STXBP4: variants seen among roughly 807,000 people sequenced by gnomAD.
The protein encoded by STXBP4 is syntaxin binding protein 4, also known as syntaxin-binding protein 4.
In STXBP4, 55 loss-of-function variants were observed where a neutral mutation model predicts 76.1. That is an observed-to-expected ratio of 0.72 (90% CI 0.58 to 0.91). STXBP4 has a LOEUF of 0.91. Ranked by LOEUF, STXBP4 falls within the 40% of genes least tolerant of loss-of-function variation. The pLI, the probability that STXBP4 is intolerant of heterozygous loss-of-function variation, is 0.00. For missense variants in STXBP4, 618 were observed against 636.9 expected (o/e 0.97, Z 0.32); for synonymous variants, 201 against 220.2 (o/e 0.91, Z 0.77).
downstream of STXBP4, among the ~76,000 whole-genome samples, chr17:55,176,590 C>A (rs1263217574): frequency 2.0e-5 from 3 of 152,118 alleles, no homozygotes; most frequent in Non-Finnish European, 4.4e-5. Context: ...GGGTGAGGCA[C>A]AAAAGATCTT....
chr17:55,022,834 C>G (rs925959579), intron 8 of STXBP4, among the ~76,000 whole-genome samples: 1 of 152,100 alleles, frequency 6.6e-6, no homozygotes, highest in South Asian at 2.1e-4. Flanking sequence ...GTGGTACTAA[C>G]GACGTAAGTC....
intron 3 of STXBP4, among the ~76,000 whole-genome samples, chr17:54,989,297 C>T (rs992088543): frequency 4.6e-5 from 7 of 152,126 alleles, no homozygotes; most frequent in African/African-American, 1.4e-4. Context: ...TTAGTATAGA[C>T]GGGGTTTCAC....
chr17:55,147,105 TATATA>T (rs2080165582), intron 17 of STXBP4, among the ~76,000 whole-genome samples: 1 of 152,322 alleles, frequency 6.6e-6, no homozygotes, highest in African/African-American at 2.4e-5. Flanking sequence ...TCATATGACT[TATATA>T]AATAATACAA....
chr17:55,015,918 G>A lies in STXBP4; in HGVS notation c.666+8321G>A, dbSNP rs1380519815. On this transcript the variant is annotated intron_variant, in intron 8 of 17. Transcript: ENST00000376352. ...TACAAAAGAGATCTAGCTGTAAGAT[G>A]GTGTTATAATTTATACTTCCCTCAG... Among the ~76,000 whole-genome samples, 3 of 152,174 alleles carry A rather than the reference G, an allele frequency of 2.0e-5. No homozygotes were observed. The East Asian group carries it at 5.8e-4, about 29-fold the overall frequency.
At chr17:54,993,915 C>T (rs537488567) in intron 4 of STXBP4, among the ~76,000 whole-genome samples, 28 of 152,216 alleles carry the variant, frequency 1.8e-4, no homozygotes, top group African/African-American at 4.8e-4. Context: ...GTTATTGGAA[C>T]GCAGAAGAAA....
chr17:55,075,335 T>C (rs2079168510), intron 13 of STXBP4, among the ~76,000 whole-genome samples: 1 of 152,182 alleles, frequency 6.6e-6, no homozygotes, highest in Non-Finnish European at 1.5e-5. Context: ...ATTTTGTTTT[T>C]GCATTTCATC....
At chr17:55,019,092 A>G (rs2078259136) in intron 8 of STXBP4, among the ~76,000 whole-genome samples, 1 of 152,222 alleles carries the variant, frequency 6.6e-6, no homozygotes, top group African/African-American at 2.4e-5. Context: ...TGTCATTCCT[A>G]CTAGTCTTAT....
At chr17:55,041,369 G>A (rs72628378) in intron 10 of STXBP4, among the ~76,000 whole-genome samples, 7,843 of 151,102 alleles carry the variant, frequency 0.052, 294 homozygotes, top group East Asian at 0.2. Context: ...GGAGTACCCC[G>A]CCATGTCTGG....
intron 16 of STXBP4, among the ~76,000 whole-genome samples, chr17:55,119,931 C>T (rs2079825432): frequency 6.6e-6 from 1 of 151,872 alleles, no homozygotes; most frequent in South Asian, 2.1e-4. Context: ...TATAGCTAGC[C>T]TTTGTATTTC....
chr17:55,129,976 A>G (rs1478877552), intron 16 of STXBP4, among the ~76,000 whole-genome samples: 1 of 152,198 alleles, frequency 6.6e-6, no homozygotes, highest in Non-Finnish European at 1.5e-5. Context: ...CAGAGAAGTC[A>G]TATTAGAAAT....
the STXBP4 span, among the ~76,000 whole-genome samples, chr17:55,207,298 A>G: frequency 6.6e-6 from 1 of 152,116 alleles, no homozygotes; most frequent in Middle Eastern, 3.2e-3. Flanking sequence ...CACTACAGGC[A>G]TGTACACCCC....
downstream of STXBP4, among the ~76,000 whole-genome samples, chr17:55,175,265 A>G (rs2080425523): frequency 6.6e-6 from 1 of 152,210 alleles, no homozygotes; most frequent in African/African-American, 2.4e-5. Context: ...TCTGCTTGGA[A>G]CAGTGTGATT....
intron 8 of STXBP4, among the ~76,000 whole-genome samples, chr17:55,022,948 C>A (rs2078340869): frequency 6.6e-6 from 1 of 152,058 alleles, no homozygotes; most frequent in Non-Finnish European, 1.5e-5. Context: ...GGAAAGTGAC[C>A]AATGTGTGTG....
intron 17 of STXBP4, among the ~76,000 whole-genome samples, chr17:55,144,019 A>ACACACACACG (rs2080123408): frequency 1.4e-5 from 2 of 147,402 alleles, no homozygotes; most frequent in Admixed American, 1.3e-4. Context: ...ACACACACAC[A>ACACACACACG]CACACACACA....
intron 12 of STXBP4, among the ~76,000 whole-genome samples, chr17:55,065,714 A>T (rs781109472): frequency 1.3e-5 from 2 of 152,076 alleles, no homozygotes; most frequent in Non-Finnish European, 2.9e-5. Flanking sequence ...TAATATTTAT[A>T]TTGTGAACAA....
chr17:55,102,831 A>C (rs1357281353), intron 16 of STXBP4, among the ~76,000 whole-genome samples: 1 of 152,152 alleles, frequency 6.6e-6, no homozygotes, highest in Non-Finnish European at 1.5e-5. Context: ...AACTGGCGTG[A>C]GATGGTATCT....
intron 1 of STXBP4, among the ~76,000 whole-genome samples, chr17:54,971,272 G>C (rs972651629): frequency 6.6e-6 from 1 of 152,176 alleles, no homozygotes; most frequent in African/African-American, 2.4e-5. Context: ...TATGTAGTCA[G>C]CTTGGACTAC....
At chr17:55,142,612 A>G (rs1439958013) in intron 17 of STXBP4, among the ~76,000 whole-genome samples, 2 of 151,956 alleles carry the variant, frequency 1.3e-5, no homozygotes, top group Non-Finnish European at 2.9e-5. Flanking sequence ...TGAATTTACA[A>G]TATGGAGAAA....
In STXBP4 at chr17:55,012,646, T is replaced by C. The variant is rs530140044; in HGVS notation, c.666+5049T>C. On this transcript the variant is annotated intron_variant, in intron 8 of 17. Coordinates refer to ENST00000376352, the MANE Select transcript of STXBP4 (RefSeq NM_178509.6). The stretch of plus-strand genomic sequence containing the variant: ...TCAGAGTCTGTATATATATTTACCC[T>C]TTTCCTTCTCCTAATTCTAGTGCCC... Among the ~76,000 whole-genome samples the C allele has an allele frequency of 2.9e-4, 44 of 152,308 alleles. 1 individual carries two copies. Among genetic ancestry groups the C allele is most frequent in the Middle Eastern group, 6.8e-3 (2 of 294 alleles).
Sources: allele counts gnomAD v4.1 joint callset (sites outside exome capture counted in the v4.1 genomes callset), GRCh38; gene constraint gnomAD v4.1.1; transcripts MANE v1.5; gene names NCBI Gene and HGNC (gene_info 2026-07-23, HGNC 2026-07-21).